Variants in CTNND2 observed in about 807,000 individuals in gnomAD.
CTNND2 encodes catenin delta 2.
Under a neutral mutation model 144.4 loss-of-function variants are expected in CTNND2, and 22 were observed. That is an observed-to-expected ratio of 0.15 (90% CI 0.11 to 0.22). CTNND2 has a LOEUF of 0.22. CTNND2 is among the 10% of genes least tolerant of loss of function. The probability of loss-of-function intolerance (pLI) is 1.00; values close to 1 mark genes in which losing one functional copy is unlikely to be tolerated. For synonymous variants in CTNND2, 751 were observed against 695.6 expected (o/e 1.08, Z -1.25); for missense variants, 1,353 against 1,618.8 (o/e 0.84, Z 2.82).
At chr5:11,464,036 T>A (rs1323706405) in intron 3 of CTNND2, among the ~76,000 whole-genome samples, 1 of 152,156 alleles carries the variant, frequency 6.6e-6, no homozygotes, top group East Asian at 1.9e-4. Context: ...GAACCAAAAT[T>A]TACTTCCAAG....
intron 1 of CTNND2, among the ~76,000 whole-genome samples, chr5:11,752,833 A>G (rs1219081093): frequency 6.6e-6 from 1 of 151,670 alleles, no homozygotes; most frequent in Non-Finnish European, 1.5e-5. Context: ...CTTCCATTTT[A>G]TCAGTCATCT....
chr5:11,353,737 A>C (rs1055406498), intron 8 of CTNND2, among the ~76,000 whole-genome samples: 29 of 151,576 alleles, frequency 1.9e-4, no homozygotes, highest in Middle Eastern at 3.4e-3. Context: ...CAGGAGGCGG[A>C]GGTTGCAGTG....
At chr5:11,724,246 A>G (rs1363997783) in intron 2 of CTNND2, among the ~76,000 whole-genome samples, 2 of 152,138 alleles carry the variant, frequency 1.3e-5, no homozygotes, top group Non-Finnish European at 2.9e-5. Flanking sequence ...GTCTCCATAA[A>G]GACAGAGTCA....
chr5:11,560,685 C>G (rs952291029), intron 3 of CTNND2, among the ~76,000 whole-genome samples: 1 of 152,190 alleles, frequency 6.6e-6, no homozygotes, highest in Non-Finnish European at 1.5e-5. Context: ...ACAGTCCAGT[C>G]TGTGCTGATC....
chr5:11,495,268 A>C (rs1174271642), intron 3 of CTNND2, among the ~76,000 whole-genome samples: 2 of 152,238 alleles, frequency 1.3e-5, no homozygotes, highest in Non-Finnish European at 2.9e-5. Flanking sequence ...TGGAATGAAT[A>C]GAAAGATTAG....
intron 18 of CTNND2, among the ~76,000 whole-genome samples, chr5:10,996,054 G>T (rs934764140): frequency 6.6e-6 from 1 of 152,088 alleles, no homozygotes; most frequent in African/African-American, 2.4e-5. Context: ...GACTGGCCAG[G>T]GCAAGTGGCC....
chr5:11,482,937 G>A (rs760073378), intron 3 of CTNND2, among the ~76,000 whole-genome samples: 6 of 151,956 alleles, frequency 3.9e-5, no homozygotes, highest in Non-Finnish European at 8.8e-5. Flanking sequence ...GAAAGAAGAC[G>A]GCATGTGTGG....
At chr5:11,274,102 TA>T (rs1428854018) in intron 9 of CTNND2, among the ~76,000 whole-genome samples, 2 of 152,156 alleles carry the variant, frequency 1.3e-5, no homozygotes. Flanking sequence ...CTGAAAACCT[TA>T]AACAACAGTC....
intron 3 of CTNND2, among the ~76,000 whole-genome samples, chr5:11,539,068 A>G (rs1420256470): frequency 6.6e-6 from 1 of 152,178 alleles, no homozygotes; most frequent in Non-Finnish European, 1.5e-5. Context: ...GTACACTCAC[A>G]AGTGTACAAT....
intron 2 of CTNND2, among the ~76,000 whole-genome samples, chr5:11,618,251 T>C (rs1022881774): frequency 2.0e-5 from 3 of 152,214 alleles, no homozygotes; most frequent in Non-Finnish European, 2.9e-5. Flanking sequence ...GAATTCAGAA[T>C]GTTTGAATAC....
chr5:11,407,475 T>C (rs1468156773), intron 5 of CTNND2, among the ~76,000 whole-genome samples: 2 of 152,220 alleles, frequency 1.3e-5, no homozygotes, highest in Non-Finnish European at 2.9e-5. Flanking sequence ...CAGTTACTGC[T>C]TGTCTTGAGG....
chr5:11,357,217 A>T (rs992940357), intron 8 of CTNND2, among the ~76,000 whole-genome samples: 2 of 152,156 alleles, frequency 1.3e-5, no homozygotes, highest in African/African-American at 2.4e-5. Context: ...TTAAAGAGAT[A>T]CCTGTACACT....
At chr5:11,392,231 C>CT (rs1029279560) in intron 6 of CTNND2, among the ~76,000 whole-genome samples, 4 of 152,148 alleles carry the variant, frequency 2.6e-5, no homozygotes, top group Non-Finnish European at 4.4e-5. Context: ...TTTTCCTACC[C>CT]TTTTACCTCC....
chr5:11,116,147 T>C (rs6889200), intron 13 of CTNND2, among the ~76,000 whole-genome samples: 34,158 of 152,132 alleles, frequency 0.22, 5,352 homozygotes, highest in East Asian at 0.54. Flanking sequence ...ATAGGGTCTG[T>C]GCAGATGTAT....
At chr5:11,415,275 C>A (rs1157612285) in intron 3 of CTNND2, among the ~76,000 whole-genome samples, 1 of 152,076 alleles carries the variant, frequency 6.6e-6, no homozygotes, top group Non-Finnish European at 1.5e-5. Flanking sequence ...TTAATAACAG[C>A]CATTCTTTCA....
chr5:11,448,817 C>T (rs990082677), intron 3 of CTNND2, among the ~76,000 whole-genome samples: 5 of 151,880 alleles, frequency 3.3e-5, no homozygotes, highest in East Asian at 3.9e-4. Context: ...TATAGGCGTG[C>T]ACCACCAGGC....
chr5:11,745,505 A>C (rs1277489942), intron 1 of CTNND2, among the ~76,000 whole-genome samples: 1 of 152,130 alleles, frequency 6.6e-6, no homozygotes, highest in Admixed American at 6.6e-5. Context: ...TGCACACCCA[A>C]GATTGGATGT....
At chr5:11,678,590 A>T (rs1050401174) in intron 2 of CTNND2, among the ~76,000 whole-genome samples, 16 of 152,304 alleles carry the variant, frequency 1.1e-4, no homozygotes, top group South Asian at 8.3e-4. Context: ...AGCACTATTG[A>T]TCATTGATAT....
chr5:11,047,321 C>T (rs1352364739), intron 16 of CTNND2, among the ~76,000 whole-genome samples: 1 of 152,200 alleles, frequency 6.6e-6, no homozygotes, highest in African/African-American at 2.4e-5. Context: ...GACCCAATCA[C>T]ATCACATACA....
Sources: gnomAD v4.1 joint callset for allele counts (sites outside exome capture counted in the v4.1 genomes callset) on GRCh38, gnomAD v4.1.1 for gene constraint, MANE v1.5 for transcripts, NCBI Gene and HGNC (gene_info 2026-07-23, HGNC 2026-07-21) for gene names.